Variants in DNAH17 observed in about 807,000 individuals in gnomAD.
The protein encoded by DNAH17 is axonemal beta dynein heavy chain 17.
DNAH17 carries 376 observed loss-of-function variants against 485.6 expected under a neutral mutation model. The observed-to-expected ratio is 0.77, with a 90% confidence interval of 0.71 to 0.84. The LOEUF (loss-of-function observed/expected upper bound fraction) is 0.84. Ranked by LOEUF, DNAH17 falls within the 40% of genes least tolerant of loss-of-function variation. The pLI, the probability that DNAH17 is intolerant of heterozygous loss-of-function variation, is 0.00. For synonymous variants in DNAH17, 3,031 were observed against 2,405.9 expected, an observed-to-expected ratio of 1.26 and a Z score of -7.60; for missense variants, 6,370 against 5,839.3, an observed-to-expected ratio of 1.09 and a Z score of -2.96.
intron 9 of DNAH17, among the ~76,000 whole-genome samples, chr17:78,568,943 G>T (rs1292389469): frequency 6.6e-6 from 1 of 152,190 alleles, no homozygotes; most frequent in East Asian, 1.9e-4. Context: ...ACGAGATAAG[G>T]GGAGAAGCAC....
At chr17:78,517,477 A>T (rs914042550) in intron 25 of DNAH17, among the ~76,000 whole-genome samples, 3 of 152,256 alleles carry the variant, frequency 2.0e-5, no homozygotes, top group African/African-American at 7.2e-5. Context: ...ATACTTGGGA[A>T]AAAGAGGCCC....
rs776700403 is a variant in DNAH17 at position 78,544,001 on chromosome 17, G to A, written c.2392-4C>T. On this transcript the variant is annotated splice_region_variant and splice_polypyrimidine_tract_variant and intron_variant, in intron 16 of 80. Coordinates refer to ENST00000389840, the MANE Select transcript of DNAH17 (RefSeq NM_173628.4). ...ACAGCGGGTTGGCCGACCAGTCCTG[G>A]AAGGAAAGCACAGGAGTGAGAAAAG... 14 of 1,613,856 alleles carry A rather than the reference G, an allele frequency of 8.7e-6. No individual in the cohort carries two copies. The highest frequency in any genetic ancestry group is 1.1e-5 in the Non-Finnish European group (13 of 1,179,882).
At position 78,454,455 on chromosome 17, in the gene DNAH17, T is replaced by C. The variant is rs751087437; in HGVS notation, c.10406+15A>G. ...CAGAGCCGGGCTTCGGCCCAGGTCC[T>C]GCGCCCGCACACACCTCTTCTGTCC... On this transcript the variant is annotated intron_variant, in intron 64 of 80. Coordinates refer to ENST00000389840, the MANE Select transcript of DNAH17 (RefSeq NM_173628.4). 4 of 1,599,010 alleles carry C rather than the reference T, an allele frequency of 2.5e-6. No homozygotes were observed. The highest frequency in any genetic ancestry group is 2.2e-5 in the East Asian group (1 of 44,538).
chr17:78,559,658 T>C (rs117847254), intron 13 of DNAH17, among the ~76,000 whole-genome samples: 2 of 152,038 alleles, frequency 1.3e-5, no homozygotes, highest in Non-Finnish European at 2.9e-5. Flanking sequence ...TGGAGAAGGG[T>C]CCTTTACAAC....
At chr17:78,460,380 G>GTGTGCATATA (rs1357776086) in intron 58 of DNAH17, 123 bp from the exon 59 acceptor site, 1 of 438,114 alleles carries the variant, frequency 2.3e-6, no homozygotes, top group Non-Finnish European at 3.9e-6. Flanking sequence ...ATGAGTGTAT[G>GTGTGCATATA]TGTGCATATA....
Position 78,525,046 on chromosome 17 carries a change from A to AC in DNAH17, c.3826dup (p.Val1276GlyfsTer32). On this transcript the variant is annotated frameshift_variant, in exon 25 of 81. Transcript: ENST00000389840. LOFTEE classifies it high-confidence loss of function. ...GTCCCAGAGCTCCTTCAGTAGGCGG[A>AC]CCTCCCGGTGGCAGGCCTTGAGCTG... is the stretch of plus-strand genomic sequence containing the variant. 6.2e-7 allele frequency: 1 copy of AC among 1,613,198 alleles called. No homozygotes were observed. Among genetic ancestry groups the AC allele is most frequent in the Non-Finnish European group, 8.5e-7 (1 of 1,179,644 alleles).
At chr17:78,504,040 GA>G (rs1206469036) in intron 31 of DNAH17, among the ~76,000 whole-genome samples, 1 of 149,378 alleles carries the variant, frequency 6.7e-6, no homozygotes, top group Non-Finnish European at 1.5e-5. Flanking sequence ...GCCACTGGGA[GA>G]AAAAAACCCT....
chr17:78,453,288 C>A, intron 65 of DNAH17, 55 bp downstream of exon 65: 5 of 1,596,638 alleles, frequency 3.1e-6, no homozygotes, highest in Non-Finnish European at 3.4e-6. Context: ...CACGCCCAGG[C>A]CTCGGGCCTG....
rs1460343112 is a variant in DNAH17 at position 78,462,918 on chromosome 17, T to C, written c.9100A>G (p.Lys3034Glu). ...ATTTTGGCAACAAGTTCCGTTCTCT[T>C]CTTGGCCAGCAGGTTCTGGTACAGT... Reference protein sequence around the residue: ...IKLYQNLLAKKRTELVAKIER... With the variant: ...IKLYQNLLAKERTELVAKIER... The change falls in exon 57 of 81, where the codon AAG becomes GAG. Residue 3034 changes from lysine to glutamate, a missense_variant. By Grantham distance (56) the Lys-to-Glu change is moderately conservative. Transcript: ENST00000389840. 1 of 1,613,990 alleles carries C rather than the reference T, an allele frequency of 6.2e-7. No individual in the cohort carries two copies. The highest frequency in any genetic ancestry group is 1.7e-5 in the Admixed American group (1 of 60,020).
intron 63 of DNAH17, among the ~76,000 whole-genome samples, chr17:78,455,377 A>G (rs1320817237): frequency 6.6e-6 from 1 of 151,182 alleles, no homozygotes; most frequent in African/African-American, 2.4e-5. Flanking sequence ...CCAGGTTGGA[A>G]TGCAGTAGTG....
In DNAH17 at chr17:78,479,109, A is replaced by G. The variant is rs777637237; in HGVS notation, c.7908T>C (p.His2636=). ...GAAGAAATGTTGCCGTGATTTTCTG[A>G]TGCAAAGCTGTTAGAGGAAAAGGAC... is the stretch of plus-strand genomic sequence containing the variant. ...SQLVAAALAL[H]QKITATFLPT... Residue 2636 remains histidine (H), a synonymous_variant, in exon 51 of 81, where the codon CAT becomes CAC. Transcript: ENST00000389840. 1 of 1,613,948 alleles carries G rather than the reference A, an allele frequency of 6.2e-7. No homozygotes were observed. The highest frequency in any genetic ancestry group is 1.1e-5 in the South Asian group (1 of 91,028).
At chr17:78,566,963 C>G in intron 10 of DNAH17, 36 bp downstream of exon 10, 1 of 1,583,496 alleles carries the variant, frequency 6.3e-7, no homozygotes, top group Non-Finnish European at 8.6e-7. Context: ...CTGTTCTCAC[C>G]GAGTCCAGTT....
chr17:78,431,457 C>CCA (rs1555650016), intron 75 of DNAH17, among the ~76,000 whole-genome samples: 1 of 148,198 alleles, frequency 6.7e-6, no homozygotes, highest in African/African-American at 2.6e-5. Context: ...AACCCCCCAC[C>CCA]CCGAGACTCC....
At chr17:78,471,467 T>A (rs1399938378) in intron 54 of DNAH17, among the ~76,000 whole-genome samples, 1 of 152,228 alleles carries the variant, frequency 6.6e-6, no homozygotes, top group Admixed American at 6.5e-5. Flanking sequence ...TTTCACAGTG[T>A]AGCAAGGACA....
intron 43 of DNAH17, 125 bp from the exon 44 acceptor site, chr17:78,490,972 A>C: frequency 8.2e-7 from 1 of 1,218,018 alleles, no homozygotes; most frequent in Non-Finnish European, 1.1e-6. Context: ...CAGCCCTGCC[A>C]CCCCTGGCCC....
At position 78,439,010 on chromosome 17, in the gene DNAH17, C is replaced by G. The variant is rs1372547080; in HGVS notation, c.11805+80G>C. ...TGAATGCAAACTCCACATCCTGCTTCCTTCCGGGCCTTCTGGCCCATCCCC... is the reference window on the plus strand; with the variant it reads ...TGAATGCAAACTCCACATCCTGCTTGCTTCCGGGCCTTCTGGCCCATCCCC... On this transcript the variant is annotated intron_variant, in intron 73 of 80. Coordinates refer to ENST00000389840, the MANE Select transcript of DNAH17 (RefSeq NM_173628.4). 1.6e-5 allele frequency: 24 copies of G among 1,531,768 alleles called. No homozygotes were observed. The East Asian group carries it at 5.5e-4, about 35-fold the overall frequency. The allele number at this position is 1,531,768 out of a possible 1,614,324, so 94.9% of individuals were successfully genotyped here.
chr17:78,432,363 C>T (rs947619966), intron 75 of DNAH17, among the ~76,000 whole-genome samples: 9 of 139,340 alleles, frequency 6.5e-5, no homozygotes, highest in Non-Finnish European at 7.7e-5. Context: ...GTGAAATGTC[C>T]GGCCGGCACC....
intron 69 of DNAH17, among the ~76,000 whole-genome samples, chr17:78,446,939 C>T (rs1022726107): frequency 3.3e-5 from 5 of 152,242 alleles, no homozygotes; most frequent in South Asian, 2.1e-4. Flanking sequence ...CCACTGTGCC[C>T]GGCCTTGTTG....
At chr17:78,537,030 T>C (rs558708451) in intron 19 of DNAH17, among the ~76,000 whole-genome samples, 31 of 151,482 alleles carry the variant, frequency 2.0e-4, no homozygotes, top group Admixed American at 1.6e-3. Context: ...ATAAAAAAAT[T>C]AGCCGGGTGT....
Sources: allele counts gnomAD v4.1 joint callset (sites outside exome capture counted in the v4.1 genomes callset), GRCh38; gene constraint gnomAD v4.1.1; transcripts MANE v1.5; gene names NCBI Gene and HGNC (gene_info 2026-07-23, HGNC 2026-07-21).